The following OPA1 variants were observed in gnomAD, a reference collection of about 807,000 sequenced individuals.
OPA1 encodes the protein OPA1 mitochondrial dynamin like GTPase.
A neutral mutation model predicts 152.9 loss-of-function variants in OPA1; 59 were observed. That is an observed-to-expected ratio of 0.39 (90% CI 0.31 to 0.48). OPA1 has a LOEUF of 0.48. Ranked by LOEUF, OPA1 falls within the 20% of genes least tolerant of loss-of-function variation. OPA1 has a pLI of 0.96. For missense variants in OPA1, 1,008 were observed against 1,216.8 expected (o/e 0.83, Z 2.55); for synonymous variants, 400 against 389.9 (o/e 1.03, Z -0.31).
At chr3:193,615,243 C>G (rs563692637) in intron 2 of OPA1, among the ~76,000 whole-genome samples, 2 of 151,970 alleles carry the variant, frequency 1.3e-5, no homozygotes, top group Non-Finnish European at 2.9e-5. Flanking sequence ...TTAAAATGGC[C>G]TAGTGGAAGG....
intron 29 of OPA1, chr3:193,689,077 C>A (rs1470924815): frequency 6.6e-6 from 1 of 152,038 alleles, no homozygotes; most frequent in East Asian, 1.9e-4. Flanking sequence ...AGCAATGATA[C>A]CTGCAAGGTT....
Position 193,642,922 on chromosome 3 carries a change from T to G in OPA1, c.1231-53T>G, listed in dbSNP as rs2306720. 2.5e-3 allele frequency: 4,012 copies of G among 1,578,650 alleles called. 42 individuals are homozygous for G. The highest frequency in any genetic ancestry group is 0.022 in the East Asian group (978 of 44,638). Reference sequence around the variant, plus strand: ...GCTTATAAAAGACAGTTAAAGAATATTTGTGAATTAAGATTTTCTTAGATT... The same window carrying G: ...GCTTATAAAAGACAGTTAAAGAATAGTTGTGAATTAAGATTTTCTTAGATT... On this transcript the variant is annotated intron_variant, in intron 12 of 30. Coordinates refer to ENST00000361510, the MANE Select transcript of OPA1 (RefSeq NM_130837.3).
chr3:193,640,148 T>C (rs2109024781), intron 11 of OPA1, among the ~76,000 whole-genome samples: 1 of 152,276 alleles, frequency 6.6e-6, no homozygotes, highest in Admixed American at 6.5e-5. Flanking sequence ...TTAGGAGTCA[T>C]GATCAACTAT....
intron 29 of OPA1, among the ~76,000 whole-genome samples, chr3:193,675,875 C>CT (rs1718891403): frequency 6.6e-6 from 1 of 152,190 alleles, no homozygotes. Flanking sequence ...CATTAGCCCC[C>CT]TTCTCTTGAC....
Position 193,615,688 on chromosome 3 carries a change from G to A in OPA1, c.366G>A (p.Trp122Ter). The change falls in exon 3 of 31, where the codon TGG (tryptophan) becomes TGA (stop). Residue 122 changes from tryptophan to a stop codon, truncating the protein, a stop_gained. Coordinates refer to ENST00000361510, the MANE Select transcript of OPA1 (RefSeq NM_130837.3). LOFTEE classifies it high-confidence loss of function. The stretch of plus-strand genomic sequence containing the variant: ...TTGTCTTTTAGACTTTTGATCAGTG[G>A]AAAGATATGATACCGGACCTTAGTG... ...GYTAKKTFDQ[W>*]KDMIPDLSEY... 1 of 1,606,028 alleles carries A rather than the reference G, an allele frequency of 6.2e-7. No individual in the cohort carries two copies.
At chr3:193,662,778 A>G in intron 25 of OPA1, 44 bp from the exon 26 acceptor site, 1 of 1,575,382 alleles carries the variant, frequency 6.3e-7, no homozygotes, top group Non-Finnish European at 8.7e-7. Flanking sequence ...CAAGCACCAA[A>G]TTATGAACCA....
At chr3:193,668,302 T>A in intron 29 of OPA1, 2 of 1,539,222 alleles carry the variant, frequency 1.3e-6, no homozygotes, top group Non-Finnish European at 1.8e-6. Context: ...AGATATGTCC[T>A]TTTCCATTGC....
chr3:193,607,995 T>C (rs1036848407), intron 1 of OPA1, among the ~76,000 whole-genome samples: 2 of 152,220 alleles, frequency 1.3e-5, no homozygotes, highest in African/African-American at 4.8e-5. Flanking sequence ...TATGTTGGAT[T>C]CCTAGGTATT....
chr3:193,639,681 G>A (rs1051326757), intron 11 of OPA1, among the ~76,000 whole-genome samples: 5 of 152,186 alleles, frequency 3.3e-5, no homozygotes, highest in Non-Finnish European at 7.3e-5. Flanking sequence ...TAAGTAAAAT[G>A]GAAAGCCAGT....
In OPA1 at chr3:193,690,131, A is replaced by G. The variant is rs114779003; in HGVS notation, c.2984-1932A>G. Among the ~76,000 whole-genome samples, 540 of 152,196 alleles carry G rather than the reference A, an allele frequency of 3.5e-3. 5 individuals are homozygous for G. The highest frequency in any genetic ancestry group is 0.013 in the African/African-American group (525 of 41,520). Reference sequence around the variant, plus strand: ...ATATTTACTTGTTTGTCTGCTGTTTAAAAAATGGAAGTCAGCCTACCAAAA... The same window carrying G: ...ATATTTACTTGTTTGTCTGCTGTTTGAAAAATGGAAGTCAGCCTACCAAAA... On this transcript the variant is annotated intron_variant, in intron 29 of 30. Coordinates refer to ENST00000361510, the MANE Select transcript of OPA1 (RefSeq NM_130837.3).
intron 29 of OPA1, among the ~76,000 whole-genome samples, chr3:193,676,938 G>T (rs538480086): frequency 2.2e-5 from 3 of 136,942 alleles, no homozygotes; most frequent in African/African-American, 8.4e-5. Flanking sequence ...CCGAGATCGC[G>T]CCACTGCACT....
At chr3:193,600,619 CAG>C (rs764275682) in intron 1 of OPA1, among the ~76,000 whole-genome samples, 14 of 152,264 alleles carry the variant, frequency 9.2e-5, no homozygotes, top group African/African-American at 3.1e-4. Context: ...TCTGATTGGT[CAG>C]AGTCTTCAGT....
At chr3:193,617,965 T>C (rs1729336540) in intron 5 of OPA1, 128 bp downstream of exon 5, 2 of 705,886 alleles carry the variant, frequency 2.8e-6, no homozygotes, top group African/African-American at 1.8e-5. Context: ...CCCAGAACTA[T>C]ATTAGGCAAA....
chr3:193,664,926 C>T lies in OPA1; in HGVS notation c.2708C>T (p.Thr903Ile). The T allele has an allele frequency of 6.2e-7, 1 of 1,607,886 alleles. No homozygotes were observed. The highest frequency in any genetic ancestry group is 1.1e-5 in the South Asian group (1 of 90,766). The change falls in exon 27 of 31, where the codon ACA becomes ATA. Residue 903 changes from threonine (T) to isoleucine (I), a missense_variant. Physicochemically the swap from Thr to Ile is moderately conservative, Grantham distance 89. Around this residue, in one of 7 missense-constraint regions of OPA1, gnomAD observed 137 missense variants for 171.0 expected, o/e 0.80. Coordinates refer to ENST00000361510, the MANE Select transcript of OPA1 (RefSeq NM_130837.3). Reference protein sequence around the residue: ...HQVYRRHFLKTALNHCNLCRR... With the variant: ...HQVYRRHFLKIALNHCNLCRR... ...GTTTATAGAAGACATTTTTTAAAAA[C>T]AGCTCTAAACCATTGTAACCTTTGT...
At chr3:193,647,939 A>T in intron 19 of OPA1, 131 bp from the exon 20 acceptor site, 1 of 700,174 alleles carries the variant, frequency 1.4e-6, no homozygotes, top group Non-Finnish European at 2.6e-6. Flanking sequence ...TTGAGATCCC[A>T]GAGTACTAAG....
chr3:193,652,477 G>A (rs1234778267), intron 21 of OPA1, among the ~76,000 whole-genome samples: 1 of 152,042 alleles, frequency 6.6e-6, no homozygotes, highest in Admixed American at 6.6e-5. Context: ...GACATAACTA[G>A]ATGAAGTGGC....
chr3:193,626,015 G>A (rs1731057604), intron 6 of OPA1, 77 bp from the exon 7 acceptor site: 2 of 1,073,862 alleles, frequency 1.9e-6, no homozygotes, highest in African/African-American at 3.1e-5. Context: ...GCTTACATCT[G>A]TTCCTTTGTT....
At chr3:193,606,006 G>A (rs900722507) in intron 1 of OPA1, among the ~76,000 whole-genome samples, 1 of 152,104 alleles carries the variant, frequency 6.6e-6, no homozygotes, top group Non-Finnish European at 1.5e-5. Context: ...AGGTATTACG[G>A]GGAGCAATCC....
intron 11 of OPA1, among the ~76,000 whole-genome samples, chr3:193,642,210 C>T (rs1270988348): frequency 6.6e-6 from 1 of 152,206 alleles, no homozygotes; most frequent in African/African-American, 2.4e-5. Context: ...CAGTTCCATT[C>T]TCTTCTGTGG....
Sources: gnomAD v4.1 joint callset for allele counts (sites outside exome capture counted in the v4.1 genomes callset) on GRCh38, gnomAD v4.1.1 for gene constraint, gnomAD v4.1.1 regional missense constraint, MANE v1.5 for transcripts, NCBI Gene and HGNC (gene_info 2026-07-23, HGNC 2026-07-21) for gene names.